The following RXFP1 variants were observed in gnomAD, a reference collection of about 807,000 sequenced individuals.
RXFP1 encodes relaxin family peptide receptor 1, also known as relaxin receptor 1.
In RXFP1, 73 loss-of-function variants were observed where a neutral mutation model predicts 89.8. The observed-to-expected ratio is 0.81, with a 90% CI of 0.67 to 0.99. The LOEUF (loss-of-function observed/expected upper bound fraction) is 0.99. Ranked by LOEUF, RXFP1 falls within the 50% of genes least tolerant of loss-of-function variation. The pLI is 0.00. For synonymous variants in RXFP1, 277 were observed against 305.5 expected, an observed-to-expected ratio of 0.91 and a Z score of 0.97; for missense variants, 793 against 895.5, an observed-to-expected ratio of 0.89 and a Z score of 1.46.
chr4:158,523,251 A>G (rs78385093), intron 1 of RXFP1, among the ~76,000 whole-genome samples: 5 of 152,332 alleles, frequency 3.3e-5, no homozygotes, highest in Admixed American at 6.5e-5. Context: ...AACAGCTTCA[A>G]AAATTAATGC....
At chr4:158,530,455 C>A (rs575293491) in intron 1 of RXFP1, among the ~76,000 whole-genome samples, 2 of 152,150 alleles carry the variant, frequency 1.3e-5, no homozygotes, top group African/African-American at 4.8e-5. Context: ...TTTCCCAGAG[C>A]AGGCTAGAAA....
Position 158,608,114 on chromosome 4 carries a change from C to T in RXFP1, c.536+71C>T, listed in dbSNP as rs143187143. ...CAGCCTAGACTATTCCAATCCAGAC[C>T]AGCCTCCCTGTCCATGACAGTACCA... is the stretch of plus-strand genomic sequence containing the variant. On this transcript the variant is annotated intron_variant, in intron 6 of 17. Coordinates refer to ENST00000307765, the MANE Select transcript of RXFP1 (RefSeq NM_021634.4). 209 of 1,003,666 alleles carry T rather than the reference C, an allele frequency of 2.1e-4. No individual in the cohort carries two copies. The African/African-American group carries it at 2.7e-3, about 13-fold the overall frequency. The allele number at this position is 1,003,666 out of a possible 1,614,324, so 62.2% of individuals were successfully genotyped here.
chr4:158,593,001 T>G, intron 2 of RXFP1, among the ~76,000 whole-genome samples: 1 of 150,518 alleles, frequency 6.6e-6, no homozygotes, highest in East Asian at 2.0e-4. Context: ...GGCAGGAGAA[T>G]CACTTGAACA....
chr4:158,576,607 G>A (rs1052424749), intron 2 of RXFP1, among the ~76,000 whole-genome samples: 1 of 152,036 alleles, frequency 6.6e-6, no homozygotes, highest in African/African-American at 2.4e-5. Context: ...CAAAATGGTA[G>A]CAACAGCAGA....
In RXFP1 at chr4:158,586,066, C is replaced by T. The variant is rs575014263; in HGVS notation, c.188-7335C>T. Among the ~76,000 whole-genome samples the T allele has an allele frequency of 4.6e-5, 7 of 152,246 alleles. No homozygotes were observed. In the South Asian group the frequency reaches 1.0e-3, roughly 23 times the overall value. ...AACTTGCTTTAAGACTAACCTAGGC[C>T]ACTTATGAAAAATATAGATTTCCCA... On this transcript the variant is annotated intron_variant, in intron 2 of 17. Transcript: ENST00000307765.
Position 158,652,908 on chromosome 4 carries a change from C to T in RXFP1, c.*853C>T, listed in dbSNP as rs773171146. ...AAGACAAAAAGGCTTTTCAACAAAC[C>T]GTGCTGTTTTAAGAACAGACCTAAG... On this transcript the variant is annotated 3_prime_UTR_variant, in exon 18 of 18. Transcript: ENST00000307765. 1.3e-5 allele frequency: 2 copies of T among 152,130 alleles called. No homozygotes were observed. The highest frequency in any genetic ancestry group is 1.9e-4 in the East Asian group (1 of 5,204). The allele number at this position is 152,130 out of a possible 1,614,324, so 9.4% of individuals were successfully genotyped here.
intron 2 of RXFP1, among the ~76,000 whole-genome samples, chr4:158,581,880 C>T (rs1757432135): frequency 6.6e-6 from 1 of 152,182 alleles, no homozygotes; most frequent in Non-Finnish European, 1.5e-5. Context: ...TGCTCAGCTT[C>T]TGATGAGGGC....
chr4:158,553,178 G>A (rs1039563772), intron 1 of RXFP1, among the ~76,000 whole-genome samples: 2 of 152,114 alleles, frequency 1.3e-5, no homozygotes, highest in Non-Finnish European at 2.9e-5. Flanking sequence ...AATAGAGCAA[G>A]ATCCTTTCTC....
chr4:158,559,625 A>T (rs1752028538), intron 1 of RXFP1, among the ~76,000 whole-genome samples: 1 of 152,176 alleles, frequency 6.6e-6, no homozygotes, highest in African/African-American at 2.4e-5. Flanking sequence ...CGTGAGTTAT[A>T]ATTTTATGGT....
chr4:158,622,465 A>T (rs563946811), intron 9 of RXFP1, among the ~76,000 whole-genome samples: 5 of 152,338 alleles, frequency 3.3e-5, no homozygotes, highest in African/African-American at 1.2e-4. Context: ...ATATTAGTCA[A>T]CCTTAGTGTC....
At chr4:158,544,127 A>G in intron 1 of RXFP1, 7 of 980,914 alleles carry the variant, frequency 7.1e-6, no homozygotes, top group Non-Finnish European at 8.5e-6. Context: ...TACTTCCTAA[A>G]TATAAATGAA....
chr4:158,619,892 C>T (rs775673007), intron 9 of RXFP1, among the ~76,000 whole-genome samples: 30 of 151,870 alleles, frequency 2.0e-4, no homozygotes, highest in Non-Finnish European at 3.5e-4. Context: ...ATTTGTATCA[C>T]GGCAGGAAAT....
chr4:158,562,306 C>T (rs932319017), intron 1 of RXFP1, among the ~76,000 whole-genome samples: 1 of 151,608 alleles, frequency 6.6e-6, no homozygotes, highest in East Asian at 1.9e-4. Flanking sequence ...GGGCGGATCA[C>T]GAGGTCAGGA....
chr4:158,651,389 T>C (rs1772703613), intron 17 of RXFP1, among the ~76,000 whole-genome samples: 1 of 152,212 alleles, frequency 6.6e-6, no homozygotes, highest in Non-Finnish European at 1.5e-5. Flanking sequence ...TCAAAAAGTG[T>C]TTTAATTATT....
intron 8 of RXFP1, among the ~76,000 whole-genome samples, chr4:158,616,296 G>T (rs920620508): frequency 1.3e-5 from 2 of 151,838 alleles, no homozygotes; most frequent in Non-Finnish European, 2.9e-5. Context: ...GGGCATCGTG[G>T]CAGGCGTCTG....
At chr4:158,597,710 GA>G (rs921595544) in intron 3 of RXFP1, among the ~76,000 whole-genome samples, 3 of 151,824 alleles carry the variant, frequency 2.0e-5, no homozygotes, top group Non-Finnish European at 2.9e-5. Context: ...CTCTGTATAT[GA>G]AAAAAACACA....
chr4:158,582,405 T>C (rs1017353953), intron 2 of RXFP1, among the ~76,000 whole-genome samples: 1 of 152,168 alleles, frequency 6.6e-6, no homozygotes, highest in African/African-American at 2.4e-5. Context: ...GTGGGGGTTC[T>C]GGTTGCCTGT....
chr4:158,602,485 A>C (rs996061278), intron 4 of RXFP1, among the ~76,000 whole-genome samples: 13 of 152,080 alleles, frequency 8.5e-5, no homozygotes, highest in Non-Finnish European at 1.6e-4. Context: ...GCCATGGCCT[A>C]TATATCCTCC....
intron 1 of RXFP1, among the ~76,000 whole-genome samples, chr4:158,528,549 T>G (rs1438889446): frequency 6.6e-6 from 1 of 152,074 alleles, no homozygotes; most frequent in Non-Finnish European, 1.5e-5. Context: ...ACCAAGTGGA[T>G]GTCTTCACTA....
Sources: gnomAD v4.1 joint callset for allele counts (sites outside exome capture counted in the v4.1 genomes callset) on GRCh38, gnomAD v4.1.1 for gene constraint, MANE v1.5 for transcripts, NCBI Gene and HGNC (gene_info 2026-07-23, HGNC 2026-07-21) for gene names.